Variants in TAFA1 observed in about 807,000 individuals in gnomAD.
The protein encoded by TAFA1 is TAFA chemokine like family member 1.
A neutral mutation model predicts 18.5 loss-of-function variants in TAFA1; 4 were observed. The ratio of observed to expected loss-of-function variants is 0.22; its 90% confidence interval spans 0.11 to 0.49. The LOEUF (loss-of-function observed/expected upper bound fraction) is 0.49, where lower values mean the gene tolerates loss of function less well. Among genes scored for constraint, TAFA1 ranks in the 20% least tolerant of loss-of-function variants. TAFA1 has a pLI of 0.98. For missense variants in TAFA1, 147 were observed against 169.0 expected (o/e 0.87, Z 0.72); for synonymous variants, 56 against 55.2 (o/e 1.01, Z -0.06).
intron 2 of TAFA1, among the ~76,000 whole-genome samples, chr3:68,223,299 T>C (rs536368214): frequency 1.3e-5 from 2 of 152,260 alleles, no homozygotes; most frequent in African/African-American, 4.8e-5. Flanking sequence ...CAAGCTGGAG[T>C]TGTCGTTCAA....
chr3:68,534,613 T>TA (rs1248784920), intron 3 of TAFA1, among the ~76,000 whole-genome samples: 2 of 152,192 alleles, frequency 1.3e-5, no homozygotes, highest in East Asian at 3.8e-4. Context: ...TGTGAATTTT[T>TA]AGATATTATA....
At position 68,334,421 on chromosome 3, in the gene TAFA1, G is replaced by A. The variant is rs1481165536; in HGVS notation, c.119-82859G>A. 3.3e-5 allele frequency among the ~76,000 whole-genome samples: 5 copies of A among 152,140 alleles called. No individual in the cohort carries two copies. In the East Asian group the frequency reaches 5.8e-4, roughly 18 times the overall value. ...AGCTTTTGAACATGTTGAAGAAAAT[G>A]CTAGGAGTTTATGAACAGTAGGGAA... On this transcript the variant is annotated intron_variant, in intron 2 of 4. Coordinates refer to ENST00000478136, the MANE Select transcript of TAFA1 (RefSeq NM_213609.4).
intron 3 of TAFA1, among the ~76,000 whole-genome samples, chr3:68,493,237 T>C (rs2072486134): frequency 6.6e-6 from 1 of 152,192 alleles, no homozygotes; most frequent in Non-Finnish European, 1.5e-5. Context: ...AGCGGAATCA[T>C]ACTGTATTTT....
intron 2 of TAFA1, among the ~76,000 whole-genome samples, chr3:68,018,232 A>G (rs1704608387): frequency 1.3e-5 from 2 of 152,212 alleles, no homozygotes; most frequent in African/African-American, 2.4e-5. Flanking sequence ...CAGTGTCACA[A>G]TGAGAGTCTC....
intron 2 of TAFA1, among the ~76,000 whole-genome samples, chr3:68,370,474 A>G (rs13093897): frequency 0.022 from 264 of 11,796 alleles, no homozygotes; most frequent in African/African-American, 0.094. Flanking sequence ...GTGTGTGTGT[A>G]TATATATATA....
intron 2 of TAFA1, among the ~76,000 whole-genome samples, chr3:68,183,521 G>A (rs1406681051): frequency 2.0e-5 from 3 of 152,050 alleles, no homozygotes; most frequent in Non-Finnish European, 4.4e-5. Flanking sequence ...ACTTTGATTG[G>A]AACTATTATG....
intron 2 of TAFA1, among the ~76,000 whole-genome samples, chr3:68,107,215 G>T (rs975080537): frequency 6.6e-6 from 1 of 152,014 alleles, no homozygotes; most frequent in Non-Finnish European, 1.5e-5. Flanking sequence ...ACAAATCAGA[G>T]ACTGTTTTGG....
intron 2 of TAFA1, among the ~76,000 whole-genome samples, chr3:68,402,546 A>G (rs906461363): frequency 6.6e-6 from 1 of 152,206 alleles, no homozygotes; most frequent in Non-Finnish European, 1.5e-5. Flanking sequence ...AGTCATAGTT[A>G]ATGACATCTA....
At chr3:68,522,744 G>GA (rs1182545937) in intron 3 of TAFA1, among the ~76,000 whole-genome samples, 5 of 152,072 alleles carry the variant, frequency 3.3e-5, no homozygotes, top group Admixed American at 3.3e-4. Flanking sequence ...AGTTACTCTG[G>GA]AGGCTGAGGC....
chr3:67,993,739 A>G, the TAFA1 span, among the ~76,000 whole-genome samples: 1 of 152,210 alleles, frequency 6.6e-6, no homozygotes, highest in African/African-American at 2.4e-5. Flanking sequence ...TTTGCTCAGA[A>G]AATCTGATGA....
In TAFA1 at chr3:68,302,343, T is replaced by C. The variant is rs559768761; in HGVS notation, c.119-114937T>C. On this transcript the variant is annotated intron_variant, in intron 2 of 4. Coordinates refer to ENST00000478136, the MANE Select transcript of TAFA1 (RefSeq NM_213609.4). ...ACCATCTCTTATGTATTAAACACCA[T>C]ACACATGTCCAGAATGGCACTTCCC... 1.7e-3 allele frequency among the ~76,000 whole-genome samples: 254 copies of C among 152,306 alleles called. 2 individuals are homozygous for C. The highest frequency in any genetic ancestry group is 2.8e-3 in the Non-Finnish European group (189 of 68,020).
chr3:68,397,230 G>C (rs2070398655), intron 2 of TAFA1, among the ~76,000 whole-genome samples: 1 of 151,992 alleles, frequency 6.6e-6, no homozygotes, highest in Admixed American at 6.6e-5. Flanking sequence ...TGCCATGGTG[G>C]GTTGCTGCAC....
chr3:68,486,798 C>G (rs954555067), intron 3 of TAFA1, among the ~76,000 whole-genome samples: 1 of 152,224 alleles, frequency 6.6e-6, no homozygotes, highest in African/African-American at 2.4e-5. Flanking sequence ...ACATACACAA[C>G]TGAGCTACCC....
intron 2 of TAFA1, among the ~76,000 whole-genome samples, chr3:68,309,166 A>C (rs201708431): frequency 6.6e-6 from 1 of 152,182 alleles, no homozygotes; most frequent in East Asian, 1.9e-4. Context: ...AAGCTCTGTA[A>C]AAGTGAAATA....
chr3:68,503,960 A>G (rs1428698698), intron 3 of TAFA1, among the ~76,000 whole-genome samples: 1 of 152,142 alleles, frequency 6.6e-6, no homozygotes, highest in Non-Finnish European at 1.5e-5. Flanking sequence ...ATTTGGATAA[A>G]CTTGGGAACC....
At chr3:68,352,441 G>T (rs1441790541) in intron 2 of TAFA1, among the ~76,000 whole-genome samples, 2 of 152,000 alleles carry the variant, frequency 1.3e-5, no homozygotes, top group Non-Finnish European at 2.9e-5. Context: ...GCTTCCAGAG[G>T]TGAAAAACTA....
At chr3:68,073,038 G>A (rs999052905) in intron 2 of TAFA1, among the ~76,000 whole-genome samples, 5 of 152,164 alleles carry the variant, frequency 3.3e-5, no homozygotes, top group African/African-American at 1.2e-4. Context: ...TTTCTGAAGA[G>A]AAAATTCTGT....
chr3:68,385,970 A>C (rs2070093803), intron 2 of TAFA1, among the ~76,000 whole-genome samples: 1 of 152,016 alleles, frequency 6.6e-6, no homozygotes, highest in African/African-American at 2.4e-5. Flanking sequence ...GAAACTGTAT[A>C]ATATATTAGT....
intron 2 of TAFA1, among the ~76,000 whole-genome samples, chr3:68,018,971 T>C (rs1301877584): frequency 1.3e-5 from 2 of 152,194 alleles, no homozygotes; most frequent in African/African-American, 2.4e-5. Flanking sequence ...GTTATTCCCA[T>C]TTGTACAAAA....
Sources: allele counts gnomAD v4.1 joint callset (sites outside exome capture counted in the v4.1 genomes callset), GRCh38; gene constraint gnomAD v4.1.1; transcripts MANE v1.5; gene names NCBI Gene and HGNC (gene_info 2026-07-23, HGNC 2026-07-21).